Variants in GRIK2 observed in about 807,000 individuals in gnomAD.
The protein encoded by GRIK2 is glutamate receptor ionotropic, kainate 2.
GRIK2 carries 32 observed loss-of-function variants against 100.3 expected under a neutral mutation model. That is an observed-to-expected ratio of 0.32 (90% CI 0.24 to 0.43). GRIK2 has a LOEUF of 0.43. Among genes scored for constraint, GRIK2 ranks in the 20% least tolerant of loss-of-function variants. The pLI, the probability that GRIK2 is intolerant of heterozygous loss-of-function variation, is 1.00. For missense variants in GRIK2, 843 were observed against 1,114.9 expected (o/e 0.76, Z 3.47); for synonymous variants, 417 against 389.4 (o/e 1.07, Z -0.83).
chr6:101,899,500 A>C (rs185087162), intron 12 of GRIK2, among the ~76,000 whole-genome samples: 3 of 152,138 alleles, frequency 2.0e-5, no homozygotes, highest in African/African-American at 4.8e-5. Context: ...ACAGACTTTC[A>C]GTTTTAATAC....
At chr6:101,626,784 A>G (rs1780460446) in intron 4 of GRIK2, 147 bp downstream of exon 4, 1 of 637,938 alleles carries the variant, frequency 1.6e-6, no homozygotes, top group African/African-American at 1.8e-5. Flanking sequence ...TCAAACACCA[A>G]TCCTAATTTC....
At chr6:102,062,722 C>CATACTTCTG (rs2114527217) in intron 16 of GRIK2, among the ~76,000 whole-genome samples, 1 of 150,516 alleles carries the variant, frequency 6.6e-6, no homozygotes, top group East Asian at 1.9e-4. Context: ...TAGGTCAATT[C>CATACTTCTG]ATACTTCTGA....
At chr6:101,776,250 A>G (rs1778739096) in intron 7 of GRIK2, among the ~76,000 whole-genome samples, 1 of 152,226 alleles carries the variant, frequency 6.6e-6, no homozygotes, top group South Asian at 2.1e-4. Context: ...TTGCTAGGAT[A>G]TGAACACAGT....
intron 10 of GRIK2, among the ~76,000 whole-genome samples, chr6:101,835,302 T>A (rs1782995818): frequency 6.6e-6 from 1 of 152,184 alleles, no homozygotes; most frequent in South Asian, 2.1e-4. Context: ...TGTTTGTAAT[T>A]TGTTTTTATA....
At chr6:101,656,540 C>G (rs1022349988) in intron 4 of GRIK2, among the ~76,000 whole-genome samples, 2 of 152,184 alleles carry the variant, frequency 1.3e-5, no homozygotes, top group East Asian at 3.9e-4. Context: ...ACCTTTACCA[C>G]AAATTTAGTA....
chr6:101,481,648 A>G (rs1562168755), intron 2 of GRIK2, among the ~76,000 whole-genome samples: 1 of 152,160 alleles, frequency 6.6e-6, no homozygotes. Context: ...GATAAATACA[A>G]TTTAATTTTT....
At chr6:101,928,339 G>T (rs1790046047) in intron 13 of GRIK2, 76 bp from the exon 14 acceptor site, 6 of 785,460 alleles carry the variant, frequency 7.6e-6, no homozygotes, top group Non-Finnish European at 1.4e-5. Flanking sequence ...ATTCCATTCT[G>T]CCACTGTGAC....
intron 10 of GRIK2, among the ~76,000 whole-genome samples, chr6:101,852,907 G>A (rs1784217042): frequency 6.6e-6 from 1 of 152,096 alleles, no homozygotes; most frequent in African/African-American, 2.4e-5. Context: ...GGGTGGAAGG[G>A]CACTACATCT....
At chr6:101,712,111 T>G (rs2128359665) in intron 7 of GRIK2, among the ~76,000 whole-genome samples, 1 of 151,830 alleles carries the variant, frequency 6.6e-6, no homozygotes, top group East Asian at 1.9e-4. Flanking sequence ...TAATTATAAT[T>G]TAAAAGATAT....
intron 14 of GRIK2, among the ~76,000 whole-genome samples, chr6:102,006,001 T>G (rs774484597): frequency 3.9e-5 from 6 of 151,984 alleles, no homozygotes; most frequent in Non-Finnish European, 7.4e-5. Context: ...CAAGCTTAGT[T>G]AGATTAAGGT....
chr6:101,495,912 G>C lies in GRIK2; in HGVS notation c.115+96520G>C, dbSNP rs149277334. ...AAAAGCACATAAGAGGAGAAAGGAA[G>C]GATGTGTGCTGGTATTTTACATATC... On this transcript the variant is annotated intron_variant, in intron 2 of 16. Coordinates refer to ENST00000369134, the MANE Select transcript of GRIK2 (RefSeq NM_021956.5). Among the ~76,000 whole-genome samples the C allele has an allele frequency of 2.4e-3, 366 of 151,976 alleles. 2 individuals carry two copies. The highest frequency in any genetic ancestry group is 8.6e-3 in the African/African-American group (355 of 41,486).
chr6:102,000,194 T>C (rs1241980339), intron 14 of GRIK2, among the ~76,000 whole-genome samples: 1 of 152,036 alleles, frequency 6.6e-6, no homozygotes, highest in Non-Finnish European at 1.5e-5. Flanking sequence ...TGGAATAGTT[T>C]ATTTAAATTT....
At chr6:101,917,291 C>T (rs960280907) in intron 12 of GRIK2, among the ~76,000 whole-genome samples, 16 of 151,628 alleles carry the variant, frequency 1.1e-4, no homozygotes, top group Admixed American at 2.6e-4. Context: ...TCCATTTCCA[C>T]GTTCTGCTTC....
chr6:101,832,067 T>A (rs1030816468), intron 10 of GRIK2, among the ~76,000 whole-genome samples: 1 of 152,068 alleles, frequency 6.6e-6, no homozygotes, highest in African/African-American at 2.4e-5. Flanking sequence ...TCCCATTAAA[T>A]CTCATCAGGT....
At chr6:101,613,562 T>A in intron 2 of GRIK2, among the ~76,000 whole-genome samples, 1 of 151,876 alleles carries the variant, frequency 6.6e-6, no homozygotes, top group South Asian at 2.1e-4. Context: ...AAAAAAATTT[T>A]AAAAAAGTAC....
At chr6:101,850,102 G>A (rs1225957827) in intron 10 of GRIK2, among the ~76,000 whole-genome samples, 1 of 151,896 alleles carries the variant, frequency 6.6e-6, no homozygotes, top group Non-Finnish European at 1.5e-5. Context: ...ACATGTCCCT[G>A]TTTCTCAAAA....
At position 101,859,473 on chromosome 6, in the gene GRIK2, G is replaced by T; in HGVS notation, c.1504G>T (p.Val502Phe). 1 of 1,596,788 alleles carries T rather than the reference G, an allele frequency of 6.3e-7. No homozygotes were observed. Among genetic ancestry groups the T allele is most frequent in the Non-Finnish European group, 8.6e-7 (1 of 1,165,578 alleles). ...DDANGQWNGM[V>F]RELIDHKADL... is the part of the protein sequence containing the mutation. ...TGCCAATGGACAATGGAATGGAATG[G>T]TTCGTGAACTAATTGATCATGTAAG... The change falls in exon 11 of 17, where the codon GTT becomes TTT. Residue 502 changes from valine (V) to phenylalanine (F), a missense_variant. Coordinates refer to ENST00000369134, the MANE Select transcript of GRIK2 (RefSeq NM_021956.5).
chr6:101,512,194 G>C (rs1774357630), intron 2 of GRIK2, among the ~76,000 whole-genome samples: 3 of 151,580 alleles, frequency 2.0e-5, no homozygotes, highest in Admixed American at 2.0e-4. Flanking sequence ...AAAATTAAAA[G>C]AATAAGATAA....
chr6:101,957,366 G>A (rs747976014), intron 14 of GRIK2, among the ~76,000 whole-genome samples: 2 of 151,756 alleles, frequency 1.3e-5, no homozygotes, highest in Non-Finnish European at 1.5e-5. Context: ...AGTTGTTTGA[G>A]TTCTTTGTAA....
Sources: allele counts gnomAD v4.1 joint callset (sites outside exome capture counted in the v4.1 genomes callset), GRCh38; gene constraint gnomAD v4.1.1; transcripts MANE v1.5; gene names NCBI Gene and HGNC (gene_info 2026-07-23, HGNC 2026-07-21).